Variants in CYRIB observed in about 807,000 individuals in gnomAD.
CYRIB encodes the protein CYFIP-related Rac1 interactor B.
CYRIB carries 8 observed loss-of-function variants against 44.2 expected under a neutral mutation model. That is an observed-to-expected ratio of 0.18 (90% CI 0.11 to 0.33). The LOEUF (loss-of-function observed/expected upper bound fraction) is 0.33, where lower values mean the gene tolerates loss of function less well. CYRIB is among the 10% of genes least tolerant of loss of function. The pLI is 1.00. For synonymous variants in CYRIB, 131 were observed against 127.2 expected (o/e 1.03, Z -0.20); for missense variants, 185 against 382.8 (o/e 0.48, Z 4.31).
chr8:129,930,379 A>ATATATATATATATATATATATATATT (rs971468534), intron 1 of CYRIB, among the ~76,000 whole-genome samples: 41 of 130,104 alleles, frequency 3.2e-4, no homozygotes, highest in Non-Finnish European at 4.6e-4. Context: ...ATATATATAT[A>ATATATATATATATATATATATATATT]TTTTAATTAT....
chr8:129,854,056 T>C (rs2044796884), intron 7 of CYRIB, among the ~76,000 whole-genome samples: 1 of 152,222 alleles, frequency 6.6e-6, no homozygotes, highest in Admixed American at 6.5e-5. Context: ...GTTGAAGTAG[T>C]TGTGGGAATT....
chr8:129,927,551 G>T (rs953978607), intron 1 of CYRIB, among the ~76,000 whole-genome samples: 1 of 152,144 alleles, frequency 6.6e-6, no homozygotes, highest in African/African-American at 2.4e-5. Flanking sequence ...GGCAAATACG[G>T]ATATGTCTCT....
chr8:129,934,200 G>A (rs2092353518), intron 1 of CYRIB, among the ~76,000 whole-genome samples: 1 of 152,182 alleles, frequency 6.6e-6, no homozygotes, highest in Admixed American at 6.5e-5. Context: ...CTATTAGCTT[G>A]CTTCTGGATT....
chr8:129,937,496 A>AC (rs1272910833), intron 1 of CYRIB, among the ~76,000 whole-genome samples: 2 of 152,256 alleles, frequency 1.3e-5, no homozygotes, highest in African/African-American at 4.8e-5. Flanking sequence ...CTCAAGAGGG[A>AC]CACTAATTTA....
chr8:129,988,549 TGAGGATGAGG>T (rs2133168591), intron 1 of CYRIB, among the ~76,000 whole-genome samples: 1 of 152,324 alleles, frequency 6.6e-6, no homozygotes, highest in South Asian at 2.1e-4. Context: ...ATAAGCTCTC[TGAGGATGAGG>T]GTAACTCCTC....
At chr8:129,905,633 C>T (rs1006408301) in intron 1 of CYRIB, among the ~76,000 whole-genome samples, 1 of 152,092 alleles carries the variant, frequency 6.6e-6, no homozygotes, top group Admixed American at 6.5e-5. Context: ...GCTTTTTCTG[C>T]CGAAGATAAA....
At chr8:130,006,625 TATAC>T (rs1163464939) in intron 1 of CYRIB, among the ~76,000 whole-genome samples, 6 of 70,238 alleles carry the variant, frequency 8.5e-5, no homozygotes, top group Non-Finnish European at 1.8e-4. Flanking sequence ...TGTGTATATA[TATAC>T]ATATATATGT....
At chr8:129,870,167 G>A (rs972490289) in intron 4 of CYRIB, among the ~76,000 whole-genome samples, 2 of 151,990 alleles carry the variant, frequency 1.3e-5, no homozygotes, top group African/African-American at 4.8e-5. Flanking sequence ...CCAACACTTT[G>A]GGAGGCCAAA....
intron 1 of CYRIB, among the ~76,000 whole-genome samples, chr8:130,009,803 G>C (rs752891127): frequency 6.6e-6 from 1 of 152,192 alleles, no homozygotes; most frequent in Non-Finnish European, 1.5e-5. Flanking sequence ...CTTCATCAAT[G>C]ACAATTCTGG....
intron 1 of CYRIB, among the ~76,000 whole-genome samples, chr8:129,921,428 C>T (rs978697736): frequency 6.6e-6 from 1 of 152,184 alleles, no homozygotes; most frequent in East Asian, 1.9e-4. Flanking sequence ...AAGTTTTGGG[C>T]AACCAGATAT....
intron 4 of CYRIB, among the ~76,000 whole-genome samples, chr8:129,869,899 A>G (rs369306046): frequency 4.0e-5 from 6 of 151,040 alleles, no homozygotes; most frequent in African/African-American, 1.5e-4. Flanking sequence ...CCCCCGCCCA[A>G]AAAAAGGAAT....
chr8:129,910,496 T>TC (rs2077411408), intron 1 of CYRIB, among the ~76,000 whole-genome samples: 1 of 140,810 alleles, frequency 7.1e-6, no homozygotes, highest in South Asian at 2.2e-4. Context: ...TTTTTTTTTT[T>TC]TTTTTTTTAA....
chr8:129,912,208 T>A (rs2078394555), intron 1 of CYRIB, among the ~76,000 whole-genome samples: 1 of 152,150 alleles, frequency 6.6e-6, no homozygotes, highest in South Asian at 2.1e-4. Flanking sequence ...TTTATATATA[T>A]ACACGCTCCA....
intron 4 of CYRIB, among the ~76,000 whole-genome samples, chr8:129,863,811 G>GT (rs1236795167): frequency 1.3e-5 from 2 of 151,966 alleles, no homozygotes; most frequent in Non-Finnish European, 2.9e-5. Context: ...GCCCATAGAT[G>GT]TTTTTTGTAC....
chr8:129,947,426 CA>C (rs2094225380), intron 2 of CYRIB, among the ~76,000 whole-genome samples: 1 of 151,988 alleles, frequency 6.6e-6, no homozygotes, highest in Non-Finnish European at 1.5e-5. Flanking sequence ...AATAAACAAC[CA>C]AAAACCACCT....
intron 4 of CYRIB, among the ~76,000 whole-genome samples, chr8:129,869,927 T>G (rs1017734904): frequency 6.8e-6 from 1 of 147,964 alleles, no homozygotes; most frequent in African/African-American, 2.5e-5. Context: ...ACAAAAGAAA[T>G]GTGTATAATG....
intron 2 of CYRIB, among the ~76,000 whole-genome samples, chr8:129,882,522 T>C (rs2061161309): frequency 6.6e-6 from 1 of 152,216 alleles, no homozygotes; most frequent in Admixed American, 6.5e-5. Flanking sequence ...CACATTCCAA[T>C]GTTATAAATC....
chr8:129,919,650 C>A (rs1218689438), intron 1 of CYRIB, among the ~76,000 whole-genome samples: 1 of 152,072 alleles, frequency 6.6e-6, no homozygotes, highest in East Asian at 1.9e-4. Flanking sequence ...CTTAAAAAAA[C>A]ACCAGTACTA....
intron 1 of CYRIB, among the ~76,000 whole-genome samples, chr8:129,934,908 A>T (rs1295858887): frequency 1.3e-5 from 2 of 152,250 alleles, no homozygotes; most frequent in Non-Finnish European, 2.9e-5. Flanking sequence ...GAAGTTAATC[A>T]CTTATGTATT....
Sources: allele counts gnomAD v4.1 joint callset (sites outside exome capture counted in the v4.1 genomes callset), GRCh38; gene constraint gnomAD v4.1.1; transcripts MANE v1.5; gene names NCBI Gene and HGNC (gene_info 2026-07-23, HGNC 2026-07-21).